Variants in PI4KA observed in about 807,000 individuals in gnomAD.
The protein encoded by PI4KA is phosphatidylinositol 4-kinase alpha.
PI4KA carries 122 observed loss-of-function variants against 271.4 expected under a neutral mutation model. The ratio of observed to expected loss-of-function variants is 0.45; its 90% CI spans 0.39 to 0.52. The LOEUF (loss-of-function observed/expected upper bound fraction) is 0.52, where lower values mean the gene tolerates loss of function less well. Ranked by LOEUF, PI4KA falls within the 20% of genes least tolerant of loss-of-function variation. PI4KA has a pLI of 0.00. For synonymous variants in PI4KA, 1,041 were observed against 1,078.8 expected (o/e 0.96, Z 0.69); for missense variants, 1,969 against 2,769.1 (o/e 0.71, Z 6.48).
chr22:20,739,385 C>T (rs1929135451), intron 32 of PI4KA, among the ~76,000 whole-genome samples: 1 of 148,432 alleles, frequency 6.7e-6, no homozygotes, highest in South Asian at 2.1e-4. Context: ...GTCCCAGCTA[C>T]TGGGTCAGGA....
intron 39 of PI4KA, among the ~76,000 whole-genome samples, chr22:20,728,619 T>C (rs1418096687): frequency 6.6e-6 from 1 of 152,202 alleles, no homozygotes; most frequent in Non-Finnish European, 1.5e-5. Context: ...CTCAGGCTAA[T>C]GCAAGGCGGA....
At chr22:20,843,972 T>C (rs759191845) in intron 1 of PI4KA, among the ~76,000 whole-genome samples, 2 of 152,178 alleles carry the variant, frequency 1.3e-5, no homozygotes, top group Non-Finnish European at 1.5e-5. Flanking sequence ...CTGAAACATT[T>C]TGTCCAACCT....
At chr22:20,752,535 G>A (rs1930814938) in intron 25 of PI4KA, among the ~76,000 whole-genome samples, 1 of 152,190 alleles carries the variant, frequency 6.6e-6, no homozygotes, top group South Asian at 2.1e-4. Context: ...GGGTCTGTGT[G>A]GGCTTTTGTT....
intron 42 of PI4KA, among the ~76,000 whole-genome samples, chr22:20,723,310 G>A (rs1013358800): frequency 4.6e-5 from 7 of 151,828 alleles, no homozygotes; most frequent in Admixed American, 2.0e-4. Flanking sequence ...GTGAGCCACC[G>A]CGCCCGGCCT....
At position 20,804,993 on chromosome 22, in the gene PI4KA, C is replaced by CCACA. The variant is rs1379175615; in HGVS notation, c.1337_1340dup (p.Trp447CysfsTer19). On this transcript the variant is annotated frameshift_variant, in exon 11 of 55. Coordinates refer to ENST00000255882, the MANE Select transcript of PI4KA (RefSeq NM_058004.4). LOFTEE classifies it high-confidence loss of function. ...TCTCACCCTGCTCGTCCTTCACAGC[C>CCACA]CACACCATGAGGTCCACACAGGCAG... The CCACA allele has an allele frequency of 6.2e-7, 1 of 1,613,522 alleles. No individual in the cohort carries two copies. Among genetic ancestry groups the CCACA allele is most frequent in the African/African-American group, 1.3e-5 (1 of 75,040 alleles).
intron 37 of PI4KA, 63 bp downstream of exon 37, chr22:20,729,829 A>G: frequency 6.2e-7 from 1 of 1,608,418 alleles, no homozygotes; most frequent in East Asian, 2.2e-5. Flanking sequence ...GTGTCCATCA[A>G]GCAGCTTGCA....
intron 19 of PI4KA, among the ~76,000 whole-genome samples, chr22:20,790,383 A>G (rs1032877730): frequency 6.6e-6 from 1 of 152,202 alleles, no homozygotes; most frequent in Non-Finnish European, 1.5e-5. Context: ...TAAGTAGGCC[A>G]GGAGTGGTGG....
chr22:20,775,302 G>A (rs773217262), intron 19 of PI4KA, among the ~76,000 whole-genome samples: 16 of 152,078 alleles, frequency 1.1e-4, no homozygotes, highest in Non-Finnish European at 2.1e-4. Flanking sequence ...GTTTTTAAAC[G>A]TCTTCTACAA....
chr22:20,819,794 G>T lies in PI4KA; in HGVS notation c.636C>A (p.Ile212=), dbSNP rs760145444. Residue 212 remains isoleucine (I), a synonymous_variant, in exon 6 of 55, where the codon ATC becomes ATA. Transcript: ENST00000255882. Reference sequence around the variant, plus strand: ...CCAGGACACGGAGGGAATGAGGAGGGATTTTGGGAAAGAGCTTTGAGAGGA... The same window carrying T: ...CCAGGACACGGAGGGAATGAGGAGGTATTTTGGGAAAGAGCTTTGAGAGGA... The part of the protein sequence containing the change: ...ESLLSKLFPK[I]PPHSLRVLEE... 2 of 1,614,168 alleles carry T rather than the reference G, an allele frequency of 1.2e-6. No homozygotes were observed. The highest frequency in any genetic ancestry group is 1.7e-6 in the Non-Finnish European group (2 of 1,179,996).
intron 19 of PI4KA, among the ~76,000 whole-genome samples, chr22:20,788,477 C>T (rs1934417458): frequency 1.3e-5 from 2 of 152,232 alleles, no homozygotes; most frequent in South Asian, 4.1e-4. Flanking sequence ...CTCCTTTTTA[C>T]AGCTGCAGAA....
rs376437432 is a variant in PI4KA, at chr22:20,733,751, G to A, written c.4145C>T (p.Ala1382Val). 9 of 1,613,792 alleles carry A rather than the reference G, an allele frequency of 5.6e-6. No individual in the cohort carries two copies. The highest frequency in any genetic ancestry group is 7.6e-6 in the Non-Finnish European group (9 of 1,179,864). The part of the protein sequence containing the change: ...NVLREKIYST[A>V]FDYFSCPPKF... ...GGGGGAGTACCTGAAGTAGTCAAAGGCAGTGGAGTAGATCTTCTCGCGAAG... is the reference window on the plus strand; with the variant it reads ...GGGGGAGTACCTGAAGTAGTCAAAGACAGTGGAGTAGATCTTCTCGCGAAG... Residue 1382 changes from alanine (A) to valine (V), a missense_variant, in exon 35 of 55, where the codon GCC (alanine) becomes GTC (valine). Around this residue, in one of 13 missense-constraint regions of PI4KA, gnomAD observed 72 missense variants for 103.1 expected, o/e 0.70. Coordinates refer to ENST00000255882, the MANE Select transcript of PI4KA (RefSeq NM_058004.4).
At chr22:20,771,109 G>A (rs1932853079) in intron 19 of PI4KA, among the ~76,000 whole-genome samples, 1 of 152,114 alleles carries the variant, frequency 6.6e-6, no homozygotes, top group Non-Finnish European at 1.5e-5. Context: ...ATGTGTGACA[G>A]GAGGTACTGC....
In PI4KA at chr22:20,799,204, C is replaced by T. The variant is rs149129705; in HGVS notation, c.1893G>A (p.Pro631=). The T allele has an allele frequency of 1.2e-3, 1,930 of 1,591,220 alleles. 14 individuals are homozygous for T. Among genetic ancestry groups the T allele is most frequent in the South Asian group, 7.1e-3 (619 of 86,958 alleles). ...TCTGCAGAATGGGCTCCATGACCTT[C>T]GGGGTGTCCCTCAAGGCCACCGCAA... is the stretch of plus-strand genomic sequence containing the variant. The part of the protein sequence containing the change: ...GHIAVALRDT[P]KVMEPILQIL... The change falls in exon 16 of 55, where the codon CCG becomes CCA. Residue 631 remains proline, a synonymous_variant. Coordinates refer to ENST00000255882, the MANE Select transcript of PI4KA (RefSeq NM_058004.4).
rs192272894 is a variant in PI4KA at position 20,799,619 on chromosome 22, G to A, written c.1820+52C>T. ...ACGCACAATGCCAGGTGCCCCACAC[G>A]AGCCTGCTGAGAACAATGGGCTGCC... On this transcript the variant is annotated intron_variant, in intron 15 of 54. Coordinates refer to ENST00000255882, the MANE Select transcript of PI4KA (RefSeq NM_058004.4). 44 of 1,297,928 alleles carry A rather than the reference G, an allele frequency of 3.4e-5. No homozygotes were observed. In the East Asian group the frequency reaches 5.5e-4, roughly 16 times the overall value. 80.4% of individuals were successfully genotyped at this position (1,297,928 alleles called of 1,614,324 possible).
At chr22:20,779,290 C>T in intron 19 of PI4KA, 1 of 1,613,964 alleles carries the variant, frequency 6.2e-7, no homozygotes, top group African/African-American at 1.3e-5. Flanking sequence ...TCTGTTTTCC[C>T]TCCCAGCTTT....
At chr22:20,845,435 T>C (rs1926110239) in intron 1 of PI4KA, among the ~76,000 whole-genome samples, 2 of 152,238 alleles carry the variant, frequency 1.3e-5, no homozygotes, top group Admixed American at 1.3e-4. Flanking sequence ...CCTCTGGGAA[T>C]TGTCTTCCTG....
intron 19 of PI4KA, among the ~76,000 whole-genome samples, chr22:20,790,180 T>A (rs549770665): frequency 2.0e-5 from 3 of 152,254 alleles, no homozygotes; most frequent in African/African-American, 7.2e-5. Flanking sequence ...CCTCAGAGAT[T>A]GTATGACCCA....
At chr22:20,790,419 G>A (rs1934553402) in intron 19 of PI4KA, among the ~76,000 whole-genome samples, 1 of 152,132 alleles carries the variant, frequency 6.6e-6, no homozygotes, top group Admixed American at 6.6e-5. Context: ...CCAGCACTTT[G>A]GGAGGCTGAG....
rs774187343 is a variant in PI4KA at position 20,824,400 on chromosome 22, C to T, written c.382G>A (p.Ala128Thr). 4 of 1,612,668 alleles carry T rather than the reference C, an allele frequency of 2.5e-6. No homozygotes were observed. Among genetic ancestry groups the T allele is most frequent in the Non-Finnish European group, 3.4e-6 (4 of 1,179,204 alleles). ...ARKGRGALPV[A>T]ESFSFCLVTL... The stretch of plus-strand genomic sequence containing the variant: ...ACCAAGCAGAAGCTGAAGCTCTCTG[C>T]AACCGGGAGGGCACCTGGAAGATGT... The change falls in exon 4 of 55, where the codon GCA (alanine) becomes ACA (threonine). Residue 128 changes from alanine to threonine, a missense_variant. This residue lies in a region of PI4KA where 540 missense variants were observed against 555.5 expected (regional missense o/e 0.97). Transcript: ENST00000255882.
Sources: gnomAD v4.1 joint callset for allele counts (sites outside exome capture counted in the v4.1 genomes callset) on GRCh38, gnomAD v4.1.1 for gene constraint, gnomAD v4.1.1 regional missense constraint, MANE v1.5 for transcripts, NCBI Gene and HGNC (gene_info 2026-07-23, HGNC 2026-07-21) for gene names.